DAB1: variants seen among roughly 807,000 people sequenced by gnomAD.
DAB1 encodes the protein DAB adaptor protein 1, also known as disabled homolog 1.
A neutral mutation model predicts 64.6 loss-of-function variants in DAB1; 15 were observed. That is an observed-to-expected ratio of 0.23 (90% CI 0.16 to 0.36). The LOEUF (loss-of-function observed/expected upper bound fraction) is 0.36. Ranked by LOEUF, DAB1 falls within the 10% of genes least tolerant of loss-of-function variation. The probability of loss-of-function intolerance (pLI) is 1.00; values close to 1 mark genes in which losing one functional copy is unlikely to be tolerated. For synonymous variants in DAB1, 235 were observed against 251.9 expected, an observed-to-expected ratio of 0.93 and a Z score of 0.64; for missense variants, 596 against 706.7, an observed-to-expected ratio of 0.84 and a Z score of 1.78.
At chr1:58,062,351 C>A (rs186191874) in intron 5 of DAB1, among the ~76,000 whole-genome samples, 358 of 152,310 alleles carry the variant, frequency 2.4e-3, no homozygotes, top group Non-Finnish European at 3.6e-3. Context: ...GCAAGTCTCA[C>A]TACAGCTTTG....
chr1:58,123,129 G>C (rs926463143), intron 5 of DAB1, among the ~76,000 whole-genome samples: 4 of 152,142 alleles, frequency 2.6e-5, no homozygotes, highest in African/African-American at 4.8e-5. Context: ...TCCTAGAGCT[G>C]GCCCCTGACT....
At chr1:57,704,645 A>C (rs1054410418) in intron 6 of DAB1, among the ~76,000 whole-genome samples, 3 of 152,190 alleles carry the variant, frequency 2.0e-5, no homozygotes, top group African/African-American at 7.2e-5. Flanking sequence ...CAAATTTATA[A>C]GGATGCATTT....
intron 4 of DAB1, among the ~76,000 whole-genome samples, chr1:58,265,690 A>G (rs925887454): frequency 6.6e-6 from 1 of 152,246 alleles, no homozygotes; most frequent in Non-Finnish European, 1.5e-5. Flanking sequence ...TCCTATCTAT[A>G]TCTTGACAGC....
chr1:57,634,604 T>C (rs1401731203), intron 7 of DAB1, among the ~76,000 whole-genome samples: 1 of 152,204 alleles, frequency 6.6e-6, no homozygotes, highest in East Asian at 1.9e-4. Flanking sequence ...CCAGATTTGG[T>C]TCGAAGCTGA....
intron 4 of DAB1, among the ~76,000 whole-genome samples, chr1:57,111,212 T>C (rs1251135973): frequency 6.6e-6 from 1 of 152,102 alleles, no homozygotes; most frequent in Admixed American, 6.6e-5. Flanking sequence ...ACCCATACCC[T>C]GAGCCCCTCT....
At chr1:57,940,053 A>G (rs1254746608) in intron 5 of DAB1, among the ~76,000 whole-genome samples, 1 of 152,238 alleles carries the variant, frequency 6.6e-6, no homozygotes, top group African/African-American at 2.4e-5. Context: ...AGTAATGATA[A>G]GCACAAATAC....
At chr1:57,476,824 G>A (rs1436546266) in intron 7 of DAB1, among the ~76,000 whole-genome samples, 1 of 152,196 alleles carries the variant, frequency 6.6e-6, no homozygotes, top group Non-Finnish European at 1.5e-5. Flanking sequence ...GGGTGTTAAA[G>A]AGGAGCTGTT....
intron 1 of DAB1, among the ~76,000 whole-genome samples, chr1:57,301,077 C>A (rs1673608130): frequency 6.6e-6 from 1 of 151,806 alleles, no homozygotes; most frequent in Non-Finnish European, 1.5e-5. Flanking sequence ...CAAAGAGGTC[C>A]TAGATAAATG....
chr1:58,398,181 T>C lies in DAB1; in HGVS notation n.258-54778A>G, dbSNP rs143218099. ...GAGTCTGAAGAGACTCAAGCTACTC[T>C]GCTGACATAAAGAGTCCTCCATGAT... On this transcript the variant is annotated intron_variant and non_coding_transcript_variant, in intron 3 of 20. Transcript: ENST00000485760. Among the ~76,000 whole-genome samples, 448 of 152,348 alleles carry C rather than the reference T, an allele frequency of 2.9e-3. 5 individuals are homozygous for C. Among genetic ancestry groups the C allele is most frequent in the African/African-American group, 0.01 (433 of 41,590 alleles).
chr1:58,464,450 C>G (rs1645275030), intron 3 of DAB1, among the ~76,000 whole-genome samples: 1 of 151,864 alleles, frequency 6.6e-6, no homozygotes, highest in Admixed American at 6.6e-5. Flanking sequence ...CTAAATGGGG[C>G]CAGAAACAGA....
intron 7 of DAB1, among the ~76,000 whole-genome samples, chr1:57,565,004 T>C (rs1176191226): frequency 6.6e-6 from 1 of 151,882 alleles, no homozygotes; most frequent in Non-Finnish European, 1.5e-5. Flanking sequence ...AGGGAAAAAA[T>C]GTTAAGGGCA....
At chr1:57,309,946 C>T (rs1230508943) in intron 1 of DAB1, among the ~76,000 whole-genome samples, 2 of 152,122 alleles carry the variant, frequency 1.3e-5, no homozygotes, top group Admixed American at 6.5e-5. Context: ...AGTGTTCTGC[C>T]ACAAACATCA....
At chr1:57,736,592 C>T (rs555135662) in intron 6 of DAB1, among the ~76,000 whole-genome samples, 11 of 152,270 alleles carry the variant, frequency 7.2e-5, no homozygotes, top group Admixed American at 7.2e-4. Flanking sequence ...AATAATAATA[C>T]ATATGTTGAA....
intron 5 of DAB1, among the ~76,000 whole-genome samples, chr1:58,113,797 G>A (rs948829602): frequency 5.3e-5 from 8 of 152,188 alleles, no homozygotes; most frequent in Non-Finnish European, 7.3e-5. Flanking sequence ...GCTGTTTTCA[G>A]TAGGAGTTTT....
chr1:57,706,351 G>A (rs1646967012), intron 6 of DAB1, among the ~76,000 whole-genome samples: 1 of 150,878 alleles, frequency 6.6e-6, no homozygotes, highest in Non-Finnish European at 1.5e-5. Context: ...TGTTGTCCAG[G>A]CTGGAGTCCT....
intron 2 of DAB1, among the ~76,000 whole-genome samples, chr1:57,193,238 C>A (rs1664298515): frequency 6.6e-6 from 1 of 152,026 alleles, no homozygotes; most frequent in Non-Finnish European, 1.5e-5. Context: ...CCACCCGGTC[C>A]CTGGTAACCA....
At chr1:57,236,191 A>G (rs1267701276) in intron 2 of DAB1, among the ~76,000 whole-genome samples, 1 of 152,194 alleles carries the variant, frequency 6.6e-6, no homozygotes, top group Admixed American at 6.5e-5. Flanking sequence ...TCATTCATTC[A>G]CTACCTGCAT....
intron 7 of DAB1, among the ~76,000 whole-genome samples, chr1:57,444,132 G>T (rs561840588): frequency 6.6e-6 from 1 of 151,994 alleles, no homozygotes; most frequent in African/African-American, 2.4e-5. Flanking sequence ...CTGTTTGCTT[G>T]GAATAGTCTC....
At chr1:57,074,208 C>T (rs1036258729) in intron 4 of DAB1, among the ~76,000 whole-genome samples, 1 of 152,160 alleles carries the variant, frequency 6.6e-6, no homozygotes, top group Non-Finnish European at 1.5e-5. Context: ...TGCTAATATT[C>T]CTTAGCTCAT....
Sources: gnomAD v4.1 joint callset for allele counts (sites outside exome capture counted in the v4.1 genomes callset) on GRCh38, gnomAD v4.1.1 for gene constraint, MANE v1.5 for transcripts, NCBI Gene and HGNC (gene_info 2026-07-23, HGNC 2026-07-21) for gene names.